Variants in ANGPT2 observed in about 807,000 individuals in gnomAD.
The protein encoded by ANGPT2 is angiopoietin-2.
A neutral mutation model predicts 62.9 loss-of-function variants in ANGPT2; 28 were observed. The ratio of observed to expected loss-of-function variants is 0.44; its 90% CI spans 0.33 to 0.61. ANGPT2 has a LOEUF of 0.61. Among genes scored for constraint, ANGPT2 ranks in the 20% least tolerant of loss-of-function variants. The pLI, the probability that ANGPT2 is intolerant of heterozygous loss-of-function variation, is 0.03. For missense variants in ANGPT2, 727 were observed against 594.9 expected, an observed-to-expected ratio of 1.22 and a Z score of -2.31; for synonymous variants, 284 against 207.8, an observed-to-expected ratio of 1.37 and a Z score of -3.15.
chr8:6,560,462 T>G (rs1262926567), intron 1 of ANGPT2, among the ~76,000 whole-genome samples: 1 of 152,168 alleles, frequency 6.6e-6, no homozygotes, highest in African/African-American at 2.4e-5. Context: ...TTTAATCACT[T>G]TAAGTGGGTT....
intron 2 of ANGPT2, among the ~76,000 whole-genome samples, 162 bp downstream of exon 2, chr8:6,532,170 C>T (rs1159967836): frequency 6.6e-6 from 1 of 152,172 alleles, no homozygotes; most frequent in African/African-American, 2.4e-5. Context: ...ATTTTTAATT[C>T]ATAAGCAGCC....
intron 1 of ANGPT2, among the ~76,000 whole-genome samples, chr8:6,538,118 C>T (rs752017030): frequency 6.6e-6 from 1 of 152,028 alleles, no homozygotes; most frequent in African/African-American, 2.4e-5. Context: ...GTTTTTCTAT[C>T]CCAATGATCC....
chr8:6,542,245 G>T (rs577370923), intron 1 of ANGPT2, among the ~76,000 whole-genome samples: 8 of 152,096 alleles, frequency 5.3e-5, no homozygotes, highest in Non-Finnish European at 1.2e-4. Flanking sequence ...ATGTATATCT[G>T]TCTAGAGACA....
chr8:6,503,939 C>T (rs1230172014), intron 8 of ANGPT2, among the ~76,000 whole-genome samples: 1 of 152,176 alleles, frequency 6.6e-6, no homozygotes, highest in Non-Finnish European at 1.5e-5. Flanking sequence ...AGTAGTCCCC[C>T]CTTATCTGCT....
At chr8:6,506,728 G>A (rs564176655) in intron 8 of ANGPT2, among the ~76,000 whole-genome samples, 1 of 151,524 alleles carries the variant, frequency 6.6e-6, no homozygotes, top group South Asian at 2.1e-4. Context: ...ACATAGGGAG[G>A]ACCTGTGGTA....
At chr8:6,505,426 GAA>G (rs1813321701) in intron 8 of ANGPT2, among the ~76,000 whole-genome samples, 2 of 65,970 alleles carry the variant, frequency 3.0e-5, no homozygotes, top group African/African-American at 1.0e-4. Flanking sequence ...TATACATAAA[GAA>G]TATATATATT....
chr8:6,521,274 C>G lies in ANGPT2; in HGVS notation c.703G>C (p.Val235Leu), dbSNP rs559580923. 2 of 1,613,748 alleles carry G rather than the reference C, an allele frequency of 1.2e-6. No individual in the cohort carries two copies. Among genetic ancestry groups the G allele is most frequent in the Non-Finnish European group, 1.7e-6 (2 of 1,179,932 alleles). The change falls in exon 4 of 9, where the codon GTG becomes CTG. Residue 235 changes from valine (V) to leucine (L), a missense_variant. Val to Leu is a conservative substitution (Grantham distance 32). Coordinates refer to ENST00000629816, the MANE Select transcript of ANGPT2 (RefSeq NM_001118887.2). Reference protein sequence around the residue: ...SIIEELEKKIVTATVNNSVLQ... With the variant: ...SIIEELEKKILTATVNNSVLQ... ...ACTGAATTATTCACCGTGGCAGTCA[C>G]TATTTTTTTTTCTAGTTCTTCAATG...
At chr8:6,547,947 C>T (rs1490970162) in intron 1 of ANGPT2, among the ~76,000 whole-genome samples, 3 of 151,288 alleles carry the variant, frequency 2.0e-5, no homozygotes, top group Non-Finnish European at 2.9e-5. Flanking sequence ...GGTTATGACT[C>T]CTACGAGCCA....
intron 1 of ANGPT2, 49 bp from the exon 2 acceptor site, chr8:6,532,536 A>G (rs778832947): frequency 5.6e-6 from 8 of 1,426,556 alleles, no homozygotes; most frequent in Non-Finnish European, 7.5e-6. Context: ...ATGACCGGAA[A>G]CCTGATTCCT....
At position 6,502,048 on chromosome 8, in the gene ANGPT2, A is replaced by G. The variant is rs1812299804; in HGVS notation, c.*1053T>C. The G allele has an allele frequency of 1.3e-5, 2 of 152,032 alleles. No individual in the cohort carries two copies. The highest frequency in any genetic ancestry group is 4.1e-4 in the South Asian group (2 of 4,826). 9.4% of individuals were successfully genotyped at this position (152,032 alleles called of 1,614,324 possible). On this transcript the variant is annotated 3_prime_UTR_variant, in exon 9 of 9. Coordinates refer to ENST00000629816, the MANE Select transcript of ANGPT2 (RefSeq NM_001118887.2). Reference sequence around the variant, plus strand: ...ATATAGCTTTGTAAATTTCTTAAATAGAAGGCTTTTCTCAACCAGAAATTA... The same window carrying G: ...ATATAGCTTTGTAAATTTCTTAAATGGAAGGCTTTTCTCAACCAGAAATTA...
intron 1 of ANGPT2, among the ~76,000 whole-genome samples, chr8:6,540,397 C>G (rs956469616): frequency 2.0e-5 from 3 of 152,126 alleles, no homozygotes; most frequent in Non-Finnish European, 2.9e-5. Context: ...CTGTAGTAAC[C>G]TCATGTAAAT....
At chr8:6,553,117 A>G (rs1823954953) in intron 1 of ANGPT2, among the ~76,000 whole-genome samples, 1 of 152,102 alleles carries the variant, frequency 6.6e-6, no homozygotes, top group South Asian at 2.1e-4. Context: ...ATGATGGGTC[A>G]ATGTAGATTC....
In ANGPT2 at chr8:6,543,391, T is replaced by C. The variant is rs1386081946; in HGVS notation, c.289-10904A>G. Among the ~76,000 whole-genome samples the C allele has an allele frequency of 5.3e-5, 8 of 152,302 alleles. No homozygotes were observed. The South Asian group carries it at 1.7e-3, about 32-fold the overall frequency. The stretch of plus-strand genomic sequence containing the variant: ...TCTCCTGCCTGGACACCCTTCTCTC[T>C]GTGCTTTCCTGGGTTAGAGTAAATG... On this transcript the variant is annotated intron_variant, in intron 1 of 8. Transcript: ENST00000629816.
At chr8:6,521,569 GAGA>G (rs1817347298) in intron 3 of ANGPT2, among the ~76,000 whole-genome samples, 159 bp from the exon 4 acceptor site, 1 of 152,206 alleles carries the variant, frequency 6.6e-6, no homozygotes, top group Non-Finnish European at 1.5e-5. Context: ...GAAACTTGCT[GAGA>G]AGATTAGATA....
rs927504999 is a variant in ANGPT2, at chr8:6,501,887, A to G, written c.*1214T>C. 2.5e-4 allele frequency: 38 copies of G among 151,276 alleles called. No individual in the cohort carries two copies. The highest frequency in any genetic ancestry group is 9.2e-4 in the African/African-American group (38 of 41,222). The allele number at this position is 151,276 out of a possible 1,614,324, so 9.4% of individuals were successfully genotyped here. ...TCTCAAATTTTTGGTAAATATTTAA[A>G]TATATTATGAACATCAGATTTTGTT... is the stretch of plus-strand genomic sequence containing the variant. On this transcript the variant is annotated 3_prime_UTR_variant, in exon 9 of 9. Coordinates refer to ENST00000629816, the MANE Select transcript of ANGPT2 (RefSeq NM_001118887.2).
At chr8:6,524,368 GC>G (rs1303024921) in intron 3 of ANGPT2, among the ~76,000 whole-genome samples, 2 of 152,194 alleles carry the variant, frequency 1.3e-5, no homozygotes, top group Non-Finnish European at 2.9e-5. Context: ...TAGCTTTTCT[GC>G]GAAGGCATAT....
At chr8:6,530,059 A>G (rs896705937) in intron 2 of ANGPT2, among the ~76,000 whole-genome samples, 3 of 152,028 alleles carry the variant, frequency 2.0e-5, no homozygotes, top group African/African-American at 4.8e-5. Flanking sequence ...TCTAACTATT[A>G]TTTTAAAATA....
chr8:6,560,431 AAAAC>A (rs749097385), intron 1 of ANGPT2, among the ~76,000 whole-genome samples: 2 of 152,206 alleles, frequency 1.3e-5, no homozygotes, highest in African/African-American at 4.8e-5. Flanking sequence ...ACACAGGAGA[AAAAC>A]AAACAGTGAG....
At chr8:6,506,909 T>G (rs1813840392) in intron 8 of ANGPT2, among the ~76,000 whole-genome samples, 1 of 152,186 alleles carries the variant, frequency 6.6e-6, no homozygotes, top group African/African-American at 2.4e-5. Flanking sequence ...GATGCTTTTT[T>G]TTTTTGAGAC....
Sources: gnomAD v4.1 joint callset for allele counts (sites outside exome capture counted in the v4.1 genomes callset) on GRCh38, gnomAD v4.1.1 for gene constraint, MANE v1.5 for transcripts, NCBI Gene and HGNC (gene_info 2026-07-23, HGNC 2026-07-21) for gene names.